The following FSIP2 variants were observed in gnomAD, a reference collection of about 807,000 sequenced individuals.
FSIP2 encodes fibrous sheath-interacting protein 2.
FSIP2 carries 367 observed loss-of-function variants against 510.5 expected under a neutral mutation model. The ratio of observed to expected loss-of-function variants is 0.72; its 90% CI spans 0.66 to 0.78. The LOEUF is 0.78. Among genes scored for constraint, FSIP2 ranks in the 30% least tolerant of loss-of-function variants. The probability of loss-of-function intolerance (pLI) is 0.00; values close to 1 mark genes in which losing one functional copy is unlikely to be tolerated. For synonymous variants in FSIP2, 2,601 were observed against 2,732.2 expected (o/e 0.95, Z 1.50); for missense variants, 7,594 against 7,901.7 (o/e 0.96, Z 1.48).
In FSIP2 at chr2:185,789,731, T is replaced by C. The variant is rs1249173518; in HGVS notation, c.2595T>C (p.Leu865=). ...QHKTDPICMF[L]QRAGKNKSSL... Reference sequence around the variant, plus strand: ...AGACAGACCCAATATGTATGTTCCTTCAAAGAGCTGGCAAAAATAAATCTA... The same window carrying C: ...AGACAGACCCAATATGTATGTTCCTCCAAAGAGCTGGCAAAAATAAATCTA... Residue 865 remains leucine (L), a synonymous_variant, in exon 16 of 23, where the codon CTT becomes CTC. Coordinates refer to ENST00000424728, the MANE Select transcript of FSIP2 (RefSeq NM_173651.4). The C allele has an allele frequency of 2.6e-6, 4 of 1,534,434 alleles. No individual in the cohort carries two copies. The highest frequency in any genetic ancestry group is 3.9e-5 in the Admixed American group (2 of 50,850).
At chr2:185,754,186 A>G (rs1056391646) in intron 8 of FSIP2, among the ~76,000 whole-genome samples, 2 of 151,368 alleles carry the variant, frequency 1.3e-5, no homozygotes, top group Non-Finnish European at 3.0e-5. Flanking sequence ...GACAACCAGT[A>G]AGAAAGGGAG....
chr2:185,782,890 G>A, intron 14 of FSIP2, 128 bp downstream of exon 14: 1 of 634,668 alleles, frequency 1.6e-6, no homozygotes, highest in Non-Finnish European at 2.8e-6. Context: ...GTGAAACTTA[G>A]TCTTTTGCAG....
In FSIP2 at chr2:185,807,680, T is replaced by G. The variant is rs554873266; in HGVS notation, c.18374T>G (p.Val6125Gly). Residue 6125 changes from valine to glycine, a missense_variant, in exon 17 of 23, where the codon GTG becomes GGG. Transcript: ENST00000424728. ...ENIVDLVLRE[V>G]ASNQLQSYFC... is the part of the protein sequence containing the mutation. ...ATAGTTGACTTGGTTCTACGAGAAG[T>G]GGCTAGCAATCAGCTGCAGAGCTAT... 6.2e-7 allele frequency: 1 copy of G among 1,612,920 alleles called. No individual in the cohort carries two copies. Among genetic ancestry groups the G allele is most frequent in the East Asian group, 2.2e-5 (1 of 44,800 alleles).
chr2:185,752,598 C>G (rs1337919148), intron 7 of FSIP2, among the ~76,000 whole-genome samples: 1 of 151,382 alleles, frequency 6.6e-6, no homozygotes, highest in African/African-American at 2.4e-5. Context: ...TTATTCACTT[C>G]TCTATTAATG....
In FSIP2 at chr2:185,804,294, C is replaced by T; in HGVS notation, c.14988C>T (p.Phe4996=). Reference sequence around the variant, plus strand: ...TGGTAAATTCAATTGTTCTGGAGTTCACCACATCAGAGATTTTAGTTGCAG... The same window carrying T: ...TGGTAAATTCAATTGTTCTGGAGTTTACCACATCAGAGATTTTAGTTGCAG... ...TTLVNSIVLE[F]TTSEILVADN... is the part of the protein sequence containing the mutation. The change falls in exon 17 of 23, where the codon TTC becomes TTT. Residue 4996 remains phenylalanine (F), a synonymous_variant. Transcript: ENST00000424728. 1 of 1,523,886 alleles carries T rather than the reference C, an allele frequency of 6.6e-7. No individual in the cohort carries two copies. The highest frequency in any genetic ancestry group is 8.8e-7 in the Non-Finnish European group (1 of 1,141,556). The allele number at this position is 1,523,886 out of a possible 1,614,324, so 94.4% of individuals were successfully genotyped here.
chr2:185,802,145 C>CAG lies in FSIP2; in HGVS notation c.12839_12840insAG (p.Ile4281ValfsTer7). ...AGGACTCCACTGGATCCAGTGTCTA[C>CAG]TATTGTTACACAGGTTCTGAGTGAA... On this transcript the variant is annotated frameshift_variant, in exon 17 of 23. Transcript: ENST00000424728. LOFTEE classifies it high-confidence loss of function. 6.5e-7 allele frequency: 1 copy of CAG among 1,533,174 alleles called. No individual in the cohort carries two copies. 95.0% of individuals were successfully genotyped at this position (1,533,174 alleles called of 1,614,324 possible).
At chr2:185,755,441 T>C (rs1184799357) in intron 8 of FSIP2, among the ~76,000 whole-genome samples, 3 of 151,662 alleles carry the variant, frequency 2.0e-5, no homozygotes, top group African/African-American at 7.3e-5. Context: ...TTTCTGTAGC[T>C]TAAACATTTG....
chr2:185,813,488 C>T, intron 17 of FSIP2, 57 bp from the exon 18 acceptor site: 1 of 1,108,220 alleles, frequency 9.0e-7, no homozygotes, highest in Non-Finnish European at 1.3e-6. Context: ...CATAATTGAA[C>T]TATAGGAAAG....
At chr2:185,775,622 GTT>G (rs1692700352) in intron 13 of FSIP2, among the ~76,000 whole-genome samples, 1 of 152,030 alleles carries the variant, frequency 6.6e-6, no homozygotes, top group Admixed American at 6.6e-5. Flanking sequence ...CAGACCATCT[GTT>G]AACTCTATCT....
rs1212455521 is a variant in FSIP2 at position 185,801,016 on chromosome 2, C to T, written c.11710C>T (p.Leu3904Phe). Residue 3904 changes from leucine to phenylalanine, a missense_variant, in exon 17 of 23, where the codon CTC becomes TTC. Physicochemically the swap from Leu to Phe is conservative, Grantham distance 22 (BLOSUM62 0). Coordinates refer to ENST00000424728, the MANE Select transcript of FSIP2 (RefSeq NM_173651.4). ...ELGQSKSSLE[L>F]RSYDSNSLTV... ...AGGACAGAGTAAAAGTTCTTTAGAA[C>T]TCAGGAGCTATGATAGTAATTCTTT... 6 of 1,531,808 alleles carry T rather than the reference C, an allele frequency of 3.9e-6. No homozygotes were observed. Among genetic ancestry groups the T allele is most frequent in the Admixed American group, 3.9e-5 (2 of 50,694 alleles). The allele number at this position is 1,531,808 out of a possible 1,614,324, so 94.9% of individuals were successfully genotyped here. A position where few individuals can be genotyped will look rare whatever the true frequency, so the allele number is the denominator to read the frequency against.
Position 185,769,200 on chromosome 2 carries a change from G to C in FSIP2, c.1411+4635G>C, listed in dbSNP as rs532886528. On this transcript the variant is annotated intron_variant, in intron 13 of 22. Coordinates refer to ENST00000424728, the MANE Select transcript of FSIP2 (RefSeq NM_173651.4). ...GGTAGTTCTGTTTTTAGCTCTTTGA[G>C]GAATCATCACACGACTTTCCACAGT... 2.6e-5 allele frequency among the ~76,000 whole-genome samples: 4 copies of C among 152,200 alleles called. No individual in the cohort carries two copies. The South Asian group carries it at 8.3e-4, about 32-fold the overall frequency.
chr2:185,795,873 A>G lies in FSIP2; in HGVS notation c.8737A>G (p.Ile2913Val). 1 of 1,532,738 alleles carries G rather than the reference A, an allele frequency of 6.5e-7. No individual in the cohort carries two copies. Among genetic ancestry groups the G allele is most frequent in the South Asian group, 1.2e-5 (1 of 83,348 alleles). The allele number at this position is 1,532,738 out of a possible 1,614,324, so 94.9% of individuals were successfully genotyped here. A position where few individuals can be genotyped will look rare whatever the true frequency, so the allele number is the denominator to read the frequency against. Reference sequence around the variant, plus strand: ...TAGAGCCGAGGATACTAAAGCACAAATTAATATGTTTGGAAGGGAAATTGT... The same window carrying G: ...TAGAGCCGAGGATACTAAAGCACAAGTTAATATGTTTGGAAGGGAAATTGT... ...STRAEDTKAQ[I>V]NMFGREIVEM... The change falls in exon 16 of 23, where the codon ATT becomes GTT. Residue 2913 changes from isoleucine (I) to valine (V), a missense_variant. Coordinates refer to ENST00000424728, the MANE Select transcript of FSIP2 (RefSeq NM_173651.4).
chr2:185,794,129 T>A lies in FSIP2; in HGVS notation c.6993T>A (p.Val2331=), dbSNP rs777025207. Residue 2331 remains valine (V), a synonymous_variant, in exon 16 of 23, where the codon GTT becomes GTA. Coordinates refer to ENST00000424728, the MANE Select transcript of FSIP2 (RefSeq NM_173651.4). ...LSQELTDFTF[V]GRREKLGSTI... is the part of the protein sequence containing the mutation. ...AAGAGCTTACAGATTTCACTTTTGT[T>A]GGTCGCAGAGAAAAACTTGGATCCA... 17 of 1,532,242 alleles carry A rather than the reference T, an allele frequency of 1.1e-5. No individual in the cohort carries two copies. The highest frequency in any genetic ancestry group is 8.7e-7 in the Non-Finnish European group (1 of 1,144,532). 94.9% of individuals were successfully genotyped at this position (1,532,242 alleles called of 1,614,324 possible). A position where few individuals can be genotyped will look rare whatever the true frequency, so the allele number is the denominator to read the frequency against.
At chr2:185,819,025 T>C (rs1209286842) in intron 19 of FSIP2, among the ~76,000 whole-genome samples, 1 of 151,900 alleles carries the variant, frequency 6.6e-6, no homozygotes, top group Admixed American at 6.6e-5. Flanking sequence ...TTTATGCTAA[T>C]GGATACAGAA....
intron 17 of FSIP2, among the ~76,000 whole-genome samples, chr2:185,810,528 G>A (rs1326186557): frequency 2.2e-5 from 3 of 134,264 alleles, no homozygotes; most frequent in Non-Finnish European, 4.7e-5. Flanking sequence ...CCATGAGCCA[G>A]TTAAACCTCT....
chr2:185,789,699 C>CAACAT lies in FSIP2; in HGVS notation c.2566_2570dup (p.Lys857AsnfsTer28), dbSNP rs1419968265. Reference sequence around the variant, plus strand: ...AGACACAAATAAGCTTTCCTGCCAGCAACATAAGACAGACCCAATATGTAT... The same window carrying CAACAT: ...AGACACAAATAAGCTTTCCTGCCAGCAACATAACATAAGACAGACCCAATATGTAT... On this transcript the variant is annotated frameshift_variant, in exon 16 of 23. Transcript: ENST00000424728. LOFTEE classifies it high-confidence loss of function. 1 of 1,533,338 alleles carries CAACAT rather than the reference C, an allele frequency of 6.5e-7. No homozygotes were observed. Among genetic ancestry groups the CAACAT allele is most frequent in the Non-Finnish European group, 8.7e-7 (1 of 1,145,512 alleles). 95.0% of individuals were successfully genotyped at this position (1,533,338 alleles called of 1,614,324 possible).
At position 185,833,119 on chromosome 2, in the gene FSIP2, G is replaced by A. The variant is rs373869471; in HGVS notation, c.20617G>A (p.Gly6873Arg). Residue 6873 changes from glycine to arginine, a missense_variant, in exon 23 of 23, where the codon GGA becomes AGA. Coordinates refer to ENST00000424728, the MANE Select transcript of FSIP2 (RefSeq NM_173651.4). ...ETPKPDVSKQ[G>R]SKMLTKMSST... Reference sequence around the variant, plus strand: ...TCCCAAGCCCGATGTCTCCAAACAAGGATCTAAAATGCTGACAAAAATGTC... The same window carrying A: ...TCCCAAGCCCGATGTCTCCAAACAAAGATCTAAAATGCTGACAAAAATGTC... 1.6e-5 allele frequency: 25 copies of A among 1,610,344 alleles called. No homozygotes were observed. The highest frequency in any genetic ancestry group is 2.1e-5 in the Non-Finnish European group (25 of 1,177,860).
rs1282640280 is a variant in FSIP2, at chr2:185,782,734, A to C, written c.1441A>C (p.Ile481Leu). ...TCAGGCTCATGCTACAGACCCGGGT[A>C]TATTTTCTTCTCCTGTTTACACAAA... Reference protein sequence around the residue: ...GPQAHATDPGIFSSPVYTNMQ... With the variant: ...GPQAHATDPGLFSSPVYTNMQ... Residue 481 changes from isoleucine (I) to leucine (L), a missense_variant, in exon 14 of 23, where the codon ATA becomes CTA. Physicochemically the swap from Ile to Leu is conservative, Grantham distance 5. Coordinates refer to ENST00000424728, the MANE Select transcript of FSIP2 (RefSeq NM_173651.4). 1 of 1,514,082 alleles carries C rather than the reference A, an allele frequency of 6.6e-7. No homozygotes were observed. The highest frequency in any genetic ancestry group is 8.9e-7 in the Non-Finnish European group (1 of 1,126,830). 93.8% of individuals were successfully genotyped at this position (1,514,082 alleles called of 1,614,324 possible).
intron 19 of FSIP2, among the ~76,000 whole-genome samples, chr2:185,818,300 GA>G (rs1693859244): frequency 6.6e-6 from 1 of 151,322 alleles, no homozygotes; most frequent in Admixed American, 6.6e-5. Flanking sequence ...AAAAAAGATT[GA>G]AAAAAAAGTA....
Sources: gnomAD v4.1 joint callset for allele counts (sites outside exome capture counted in the v4.1 genomes callset) on GRCh38, gnomAD v4.1.1 for gene constraint, MANE v1.5 for transcripts, NCBI Gene and HGNC (gene_info 2026-07-23, HGNC 2026-07-21) for gene names.